OSBPL3: variants seen among roughly 807,000 people sequenced by gnomAD.
OSBPL3 encodes oxysterol binding protein like 3.
Under a neutral mutation model 120.1 loss-of-function variants are expected in OSBPL3, and 65 were observed. The observed-to-expected ratio is 0.54, with a 90% CI of 0.44 to 0.67. The LOEUF (loss-of-function observed/expected upper bound fraction) is 0.67, where lower values mean the gene tolerates loss of function less well. Among genes scored for constraint, OSBPL3 ranks in the 30% least tolerant of loss-of-function variants. The probability of loss-of-function intolerance (pLI) is 0.00; values close to 1 mark genes in which losing one functional copy is unlikely to be tolerated. For synonymous variants in OSBPL3, 416 were observed against 402.6 expected (o/e 1.03, Z -0.40); for missense variants, 1,004 against 1,082.1 (o/e 0.93, Z 1.01).
intron 12 of OSBPL3, among the ~76,000 whole-genome samples, chr7:24,843,439 C>T (rs7802083): frequency 0.18 from 26,999 of 152,098 alleles, 2,548 homozygotes; most frequent in Non-Finnish European, 0.2. Context: ...GTTGCTTCCA[C>T]ATCATCCAGA....
chr7:24,830,940 T>C lies in OSBPL3; in HGVS notation c.1747-35A>G. The C allele has an allele frequency of 7.7e-6, 12 of 1,564,838 alleles. No individual in the cohort carries two copies. The highest frequency in any genetic ancestry group is 9.5e-6 in the Non-Finnish European group (11 of 1,160,692). On this transcript the variant is annotated intron_variant, in intron 15 of 22. Transcript: ENST00000313367. The surrounding 1 kb of genome is among the most constrained non-coding windows in gnomAD (Gnocchi z 4.4). ...AGAGAAAAGAACTTTGTCATTTCCG[T>C]GTCACCAAGAGCTTTATTGTTCACA...
intron 1 of OSBPL3, among the ~76,000 whole-genome samples, chr7:24,934,923 A>G (rs1224232144): frequency 1.3e-5 from 2 of 152,182 alleles, no homozygotes; most frequent in African/African-American, 4.8e-5. Context: ...TTCATTTTAC[A>G]TAATGCATTT....
At chr7:24,860,028 G>A (rs1205548905) in intron 10 of OSBPL3, among the ~76,000 whole-genome samples, 1 of 151,916 alleles carries the variant, frequency 6.6e-6, no homozygotes, top group African/African-American at 2.4e-5. Flanking sequence ...CACATCTATG[G>A]TACAATATAA....
At position 24,964,639 on chromosome 7, in the gene OSBPL3, A is replaced by G. The variant is rs1401514002; in HGVS notation, c.-150+15247T>C. ...TGTAGAACCCCACATGGAGTCCTGG[A>G]ACGGCAAAAGGACACTAAGGAAAAG... On this transcript the variant is annotated intron_variant, in intron 1 of 22. Transcript: ENST00000313367. The surrounding 1 kb of genome is among the most constrained non-coding windows in gnomAD (Gnocchi z 4.2). Among the ~76,000 whole-genome samples the G allele has an allele frequency of 6.6e-6, 1 of 152,250 alleles. No individual in the cohort carries two copies. The highest frequency in any genetic ancestry group is 1.5e-5 in the Non-Finnish European group (1 of 68,048).
At position 24,936,054 on chromosome 7, in the gene OSBPL3, T is replaced by C. The variant is rs1470456129; in HGVS notation, c.-149-43433A>G. Reference sequence around the variant, plus strand: ...CCCCCTCCCCAGGAATCTTTTTTTTTTATCACCATTTAATTCATTCTTAAG... The same window carrying C: ...CCCCCTCCCCAGGAATCTTTTTTTTCTATCACCATTTAATTCATTCTTAAG... On this transcript the variant is annotated intron_variant, in intron 1 of 22. Coordinates refer to ENST00000313367, the MANE Select transcript of OSBPL3 (RefSeq NM_015550.4). The surrounding 1 kb of genome is among the most constrained non-coding windows in gnomAD (Gnocchi z 4.2). Among the ~76,000 whole-genome samples, 3 of 146,654 alleles carry C rather than the reference T, an allele frequency of 2.0e-5. No individual in the cohort carries two copies. Among genetic ancestry groups the C allele is most frequent in the African/African-American group, 7.6e-5 (3 of 39,658 alleles).
intron 10 of OSBPL3, among the ~76,000 whole-genome samples, chr7:24,853,530 G>A (rs1356406557): frequency 6.6e-6 from 1 of 152,220 alleles, no homozygotes; most frequent in Admixed American, 6.5e-5. Flanking sequence ...CAATGAAACT[G>A]ACTCAAGGGG....
At chr7:24,807,716 G>A (rs1793240655) in intron 20 of OSBPL3, among the ~76,000 whole-genome samples, 1 of 151,626 alleles carries the variant, frequency 6.6e-6, no homozygotes, top group South Asian at 2.1e-4. Context: ...ACCAATTCTT[G>A]CCTCTCCTCA....
chr7:24,830,184 T>C lies in OSBPL3; in HGVS notation c.1884+584A>G, dbSNP rs1184556492. ...GTGATGGAACCTTAGGCTGCATGAG[T>C]ACAAGGTTGTGCATCCATCAGATGA... is the stretch of plus-strand genomic sequence containing the variant. On this transcript the variant is annotated intron_variant, in intron 16 of 22. Transcript: ENST00000313367. The surrounding 1 kb of genome is among the most constrained non-coding windows in gnomAD (Gnocchi z 4.4). Among the ~76,000 whole-genome samples the C allele has an allele frequency of 2.6e-5, 4 of 152,138 alleles. No homozygotes were observed. Among genetic ancestry groups the C allele is most frequent in the Non-Finnish European group, 5.9e-5 (4 of 68,024 alleles).
At chr7:24,857,736 A>AG (rs1297972258) in intron 10 of OSBPL3, among the ~76,000 whole-genome samples, 4 of 152,196 alleles carry the variant, frequency 2.6e-5, no homozygotes, top group African/African-American at 9.6e-5. Flanking sequence ...TGTTGGGAAT[A>AG]GGGGGGAAGA....
At chr7:24,957,751 T>G (rs1815244517) in intron 1 of OSBPL3, among the ~76,000 whole-genome samples, 1 of 152,178 alleles carries the variant, frequency 6.6e-6, no homozygotes, top group South Asian at 2.1e-4. Context: ...GGCACTCAGA[T>G]GAATTCAATA....
intron 2 of OSBPL3, among the ~76,000 whole-genome samples, chr7:24,887,220 A>G (rs528543689): frequency 6.6e-6 from 1 of 152,324 alleles, no homozygotes; most frequent in African/African-American, 2.4e-5. Flanking sequence ...GAACTCTAGA[A>G]TAATAGGGTA....
chr7:24,960,107 T>G (rs1815551291), intron 1 of OSBPL3, among the ~76,000 whole-genome samples: 1 of 152,174 alleles, frequency 6.6e-6, no homozygotes, highest in Non-Finnish European at 1.5e-5. Flanking sequence ...TGCAGATATA[T>G]GCCTCAGCAC....
intron 10 of OSBPL3, among the ~76,000 whole-genome samples, chr7:24,856,565 G>C (rs1025277325): frequency 6.6e-6 from 1 of 152,168 alleles, no homozygotes; most frequent in African/African-American, 2.4e-5. Context: ...AATAAGGCCA[G>C]CCTGAAGTTA....
rs1392538679 is a variant in OSBPL3, at chr7:24,822,029, A to G, written c.1885-1791T>C. ...GCTGGGACTAAAGGTGTGTGCCACCACGCCCGGCTAATTTTTTCACTTTTT... is the reference window on the plus strand; with the variant it reads ...GCTGGGACTAAAGGTGTGTGCCACCGCGCCCGGCTAATTTTTTCACTTTTT... On this transcript the variant is annotated intron_variant, in intron 16 of 22. Transcript: ENST00000313367. This position sits in a 1 kb window ranked among gnomAD's most constrained non-coding sequence, Gnocchi z 5.8. Among the ~76,000 whole-genome samples the G allele has an allele frequency of 1.3e-5, 2 of 152,054 alleles. No homozygotes were observed. Among genetic ancestry groups the G allele is most frequent in the Non-Finnish European group, 2.9e-5 (2 of 68,018 alleles).
chr7:24,980,721 G>A (rs542324264), upstream of OSBPL3, among the ~76,000 whole-genome samples: 9 of 152,124 alleles, frequency 5.9e-5, no homozygotes, highest in Admixed American at 2.6e-4. Flanking sequence ...ACAAAGGACA[G>A]CATCAGTGTG....
rs972020001 is a variant in OSBPL3, at chr7:24,877,970, G to T, written c.97-5901C>A. Among the ~76,000 whole-genome samples, 1 of 152,274 alleles carries T rather than the reference G, an allele frequency of 6.6e-6. No homozygotes were observed. The highest frequency in any genetic ancestry group is 2.4e-5 in the African/African-American group (1 of 41,524). ...GAGAGAAACATGGGAGGGGTTGGGG[G>T]ATGTGGCTTCTTAAGGTTTTTGCAT... On this transcript the variant is annotated intron_variant, in intron 2 of 22. Transcript: ENST00000313367. This position sits in a 1 kb window ranked among gnomAD's most constrained non-coding sequence, Gnocchi z 4.8.
chr7:24,806,532 A>G lies in OSBPL3; in HGVS notation c.2444+244T>C, dbSNP rs994032828. The stretch of plus-strand genomic sequence containing the variant: ...TGCATGCAGTAAAACTCTTCAAAAT[A>G]AACACCTTTTTTGGCATTTCAATGC... On this transcript the variant is annotated intron_variant, in intron 21 of 22. Coordinates refer to ENST00000313367, the MANE Select transcript of OSBPL3 (RefSeq NM_015550.4). The surrounding 1 kb of genome is among the most constrained non-coding windows in gnomAD (Gnocchi z 5.2). Among the ~76,000 whole-genome samples the G allele has an allele frequency of 6.6e-6, 1 of 152,200 alleles. No individual in the cohort carries two copies. Among genetic ancestry groups the G allele is most frequent in the Non-Finnish European group, 1.5e-5 (1 of 68,038 alleles).
rs927067653 is a variant in OSBPL3, at chr7:24,808,314, A to C, written c.2318-1412T>G. ...CCTATGGTGTCTTGGTCAGCTCCCC[A>C]GTAACCAGGGAGTGAAGATAGTGCT... On this transcript the variant is annotated intron_variant, in intron 20 of 22. Transcript: ENST00000313367. This position sits in a 1 kb window ranked among gnomAD's most constrained non-coding sequence, Gnocchi z 4.6. Among the ~76,000 whole-genome samples, 2 of 152,194 alleles carry C rather than the reference A, an allele frequency of 1.3e-5. No homozygotes were observed. Among genetic ancestry groups the C allele is most frequent in the Non-Finnish European group, 2.9e-5 (2 of 68,030 alleles).
intron 1 of OSBPL3, among the ~76,000 whole-genome samples, chr7:24,949,550 C>T (rs142081720): frequency 3.4e-3 from 512 of 152,308 alleles, no homozygotes; most frequent in Non-Finnish European, 4.6e-3. Flanking sequence ...GTCATATTCC[C>T]TCCACCCACC....
Sources: gnomAD v4.1 joint callset for allele counts (sites outside exome capture counted in the v4.1 genomes callset) on GRCh38, gnomAD v4.1.1 for gene constraint, Gnocchi (gnomAD v3.1) non-coding constraint, MANE v1.5 for transcripts, NCBI Gene and HGNC (gene_info 2026-07-23, HGNC 2026-07-21) for gene names.